Variants in MYO10 observed in about 807,000 individuals in gnomAD.
MYO10 encodes the protein myosin X, also known as unconventional myosin-X.
In MYO10, 133 loss-of-function variants were observed where a neutral mutation model predicts 257.3. That is an observed-to-expected ratio of 0.52 (90% CI 0.45 to 0.60). The LOEUF is 0.60. MYO10 is among the 20% of genes least tolerant of loss of function. The pLI is 0.00. For synonymous variants in MYO10, 1,104 were observed against 1,028.6 expected (o/e 1.07, Z -1.40); for missense variants, 2,399 against 2,635.7 (o/e 0.91, Z 1.97).
chr5:16,684,037 CTCTTT>C (rs1259877901), intron 29 of MYO10, 102 bp from the exon 30 acceptor site: 8 of 1,056,248 alleles, frequency 7.6e-6, no homozygotes, highest in Middle Eastern at 2.0e-4. Flanking sequence ...ACAGAAAAGG[CTCTTT>C]TCTTTTTAAC....
chr5:16,701,745 T>C lies in MYO10; in HGVS notation c.2650A>G (p.Asn884Asp), dbSNP rs750913132. The C allele has an allele frequency of 1.2e-6, 2 of 1,614,036 alleles. No homozygotes were observed. The highest frequency in any genetic ancestry group is 8.5e-7 in the Non-Finnish European group (1 of 1,179,904). Residue 884 changes from asparagine (N) to aspartate (D), a missense_variant, in exon 25 of 41, where the codon AAT (asparagine) becomes GAT (aspartate). This residue lies in a region of MYO10 where 1,820 missense variants were observed against 1,939.4 expected (regional missense o/e 0.94). Transcript: ENST00000513610. The surrounding 1 kb of genome is among the most constrained non-coding windows in gnomAD (Gnocchi z 8.1). Reference protein sequence around the residue: ...LTRELEKQKENKQVEEILRLE... With the variant: ...LTRELEKQKEDKQVEEILRLE... Reference sequence around the variant, plus strand: ...CGGAGGATCTCTTCCACCTGCTTATTTTCCTTCTGTTTCTCCAGTTCACGG... The same window carrying C: ...CGGAGGATCTCTTCCACCTGCTTATCTTCCTTCTGTTTCTCCAGTTCACGG...
intron 27 of MYO10, among the ~76,000 whole-genome samples, chr5:16,693,507 TCTC>T (rs1432323268): frequency 6.6e-6 from 1 of 152,232 alleles, no homozygotes; most frequent in Non-Finnish European, 1.5e-5. Context: ...AAGACTTTCT[TCTC>T]CTCATTTAAC....
chr5:16,711,154 G>A lies in MYO10; in HGVS notation c.2021C>T (p.Ala674Val), dbSNP rs868144551. The A allele has an allele frequency of 1.2e-6, 2 of 1,613,698 alleles. No homozygotes were observed. Among genetic ancestry groups the A allele is most frequent in the Non-Finnish European group, 1.7e-6 (2 of 1,179,790 alleles). The change falls in exon 20 of 41, where the codon GCG (alanine) becomes GTG (valine). Residue 674 changes from alanine to valine, a missense_variant. Ala to Val is a moderately conservative substitution (Grantham distance 64). This residue lies in a region of MYO10 where 1,820 missense variants were observed against 1,939.4 expected (regional missense o/e 0.94). Coordinates refer to ENST00000513610, the MANE Select transcript of MYO10 (RefSeq NM_012334.3). ...AAAGTCCTGAAAGGGTCTTCGGACC[G>A]CATACCCAGCTTTGCGGATTCTCAC... The part of the protein sequence containing the change: ...ETVRIRKAGY[A>V]VRRPFQDFYK...
chr5:16,734,367 G>T (rs536471362), intron 19 of MYO10, among the ~76,000 whole-genome samples: 1 of 152,272 alleles, frequency 6.6e-6, no homozygotes, highest in Non-Finnish European at 1.5e-5. Flanking sequence ...ATGAACGTAC[G>T]TCCTTCACAA....
chr5:16,826,455 G>C (rs939200001), intron 2 of MYO10, among the ~76,000 whole-genome samples: 1 of 152,184 alleles, frequency 6.6e-6, no homozygotes, highest in South Asian at 2.1e-4. Flanking sequence ...CCTATCAGGG[G>C]AACAGAATAC....
chr5:16,690,738 A>G (rs919421458), intron 27 of MYO10, among the ~76,000 whole-genome samples: 2 of 151,898 alleles, frequency 1.3e-5, no homozygotes, highest in African/African-American at 2.4e-5. Flanking sequence ...AGATGTGCAC[A>G]TTATTTCCAT....
At chr5:16,764,851 G>A (rs1320550020) in intron 11 of MYO10, among the ~76,000 whole-genome samples, 2 of 152,036 alleles carry the variant, frequency 1.3e-5, no homozygotes, top group Non-Finnish European at 2.9e-5. Flanking sequence ...ACCACACCTG[G>A]TTAATTTTTC....
rs190496831 is a variant in MYO10, at chr5:16,753,630, C to A, written c.1929+1198G>T. ...GGATTACAGGCACGTGACACCATGC[C>A]TAGCAAATTTCTGTATTTTTAGTAG... On this transcript the variant is annotated intron_variant, in intron 19 of 40. Transcript: ENST00000513610. 3.3e-4 allele frequency among the ~76,000 whole-genome samples: 50 copies of A among 151,930 alleles called. 2 individuals carry two copies. The highest frequency in any genetic ancestry group is 1.2e-3 in the African/African-American group (49 of 41,444).
At chr5:16,929,299 T>C (rs1746232517) in intron 1 of MYO10, among the ~76,000 whole-genome samples, 1 of 152,136 alleles carries the variant, frequency 6.6e-6, no homozygotes, top group African/African-American at 2.4e-5. Context: ...CCTGCGGAGT[T>C]TTCAACATTT....
At chr5:16,691,066 G>A (rs1296476763) in intron 27 of MYO10, among the ~76,000 whole-genome samples, 2 of 150,766 alleles carry the variant, frequency 1.3e-5, no homozygotes, top group African/African-American at 4.9e-5. Flanking sequence ...TCAGGAGATC[G>A]AGACCATCCT....
At chr5:16,789,178 T>C (rs1252645291) in intron 4 of MYO10, among the ~76,000 whole-genome samples, 3 of 152,218 alleles carry the variant, frequency 2.0e-5, no homozygotes, top group Admixed American at 2.0e-4. Flanking sequence ...TGGAACACAG[T>C]GCAGGCTGTG....
chr5:16,749,345 G>T (rs922635253), intron 19 of MYO10, among the ~76,000 whole-genome samples: 1 of 151,956 alleles, frequency 6.6e-6, no homozygotes, highest in African/African-American at 2.4e-5. Context: ...AAATCAGCTG[G>T]GCGTGGTTGC....
chr5:16,887,894 G>A (rs1236245860), intron 1 of MYO10, among the ~76,000 whole-genome samples: 1 of 152,114 alleles, frequency 6.6e-6, no homozygotes, highest in Non-Finnish European at 1.5e-5. Flanking sequence ...AATAGTCCCA[G>A]AAACAATTTT....
At chr5:16,765,364 C>A (rs1189287160) in intron 11 of MYO10, among the ~76,000 whole-genome samples, 1 of 152,184 alleles carries the variant, frequency 6.6e-6, no homozygotes, top group Non-Finnish European at 1.5e-5. Context: ...CCTAGAACAT[C>A]GGACTCCAAG....
intron 2 of MYO10, among the ~76,000 whole-genome samples, chr5:16,841,750 A>C (rs183672298): frequency 1.3e-5 from 2 of 152,150 alleles, no homozygotes; most frequent in African/African-American, 4.8e-5. Flanking sequence ...CTTGTTTGCC[A>C]ACTCTTCTCG....
At chr5:16,694,690 G>A (rs1737657151) in intron 26 of MYO10, 76 bp from the exon 27 acceptor site, 4 of 1,567,462 alleles carry the variant, frequency 2.6e-6, no homozygotes, top group Non-Finnish European at 3.5e-6. Flanking sequence ...ATGCATAGCA[G>A]GTGTTAAGGT....
At chr5:16,836,016 T>C (rs1046863325) in intron 2 of MYO10, among the ~76,000 whole-genome samples, 7 of 152,072 alleles carry the variant, frequency 4.6e-5, no homozygotes, top group African/African-American at 1.7e-4. Context: ...AGAAATCTGG[T>C]CTGAATATCT....
Position 16,710,903 on chromosome 5 carries a change from C to G in MYO10, c.2169+5G>C, listed in dbSNP as rs779488177. 6.2e-7 allele frequency: 1 copy of G among 1,611,950 alleles called. No homozygotes were observed. The highest frequency in any genetic ancestry group is 1.1e-5 in the South Asian group (1 of 90,522). ...GGTGGGAGTTGCTCTTTCTCCGCATCGTACCTTGGTCTTCCCCAGCTGCCA... is the reference window on the plus strand; with the variant it reads ...GGTGGGAGTTGCTCTTTCTCCGCATGGTACCTTGGTCTTCCCCAGCTGCCA... On this transcript the variant is annotated splice_donor_5th_base_variant and intron_variant, in intron 21 of 40. Coordinates refer to ENST00000513610, the MANE Select transcript of MYO10 (RefSeq NM_012334.3).
intron 1 of MYO10, among the ~76,000 whole-genome samples, chr5:16,890,699 G>A (rs555626958): frequency 6.6e-6 from 1 of 151,758 alleles, no homozygotes; most frequent in African/African-American, 2.4e-5. Flanking sequence ...AATTAGCCAG[G>A]TGTGGTGGCA....
Sources: allele counts gnomAD v4.1 joint callset (sites outside exome capture counted in the v4.1 genomes callset), GRCh38; gene constraint gnomAD v4.1.1; regional missense constraint gnomAD v4.1.1; non-coding constraint Gnocchi (gnomAD v3.1); transcripts MANE v1.5; gene names NCBI Gene and HGNC (gene_info 2026-07-23, HGNC 2026-07-21).